TTC34: variants seen among roughly 807,000 people sequenced by gnomAD.
TTC34 encodes the protein tetratricopeptide repeat protein 34.
TTC34 carries 44 observed loss-of-function variants against 40.7 expected under a neutral mutation model. The ratio of observed to expected loss-of-function variants is 1.08; its 90% confidence interval spans 0.85 to 1.39. TTC34 has a LOEUF of 1.39. Ranked by LOEUF, TTC34 falls within the 40% of genes most tolerant of loss-of-function variation. The pLI, the probability that TTC34 is intolerant of heterozygous loss-of-function variation, is 0.00. For missense variants in TTC34, 884 were observed against 838.0 expected (o/e 1.05, Z -0.68); for synonymous variants, 422 against 398.6 (o/e 1.06, Z -0.70).
chr1:2,801,541 C>G (rs985552878), intron 1 of TTC34, 36 bp downstream of exon 1: 2 of 152,874 alleles, frequency 1.3e-5, no homozygotes, highest in African/African-American at 4.8e-5. Flanking sequence ...AGGCAGCCCC[C>G]AGCATCCGCT....
intron 6 of TTC34, among the ~76,000 whole-genome samples, chr1:2,769,762 G>A (rs1358314669): frequency 6.7e-6 from 1 of 148,830 alleles, no homozygotes; most frequent in Non-Finnish European, 1.5e-5. Context: ...CCCCAGGTGA[G>A]CATCTGACAG....
intron 6 of TTC34, among the ~76,000 whole-genome samples, chr1:2,756,599 A>C (rs1641513465): frequency 1.1e-3 from 154 of 144,886 alleles, no homozygotes; most frequent in Admixed American, 2.5e-3. Context: ...ACAGGTGAGC[A>C]TCTGACAGCC....
At chr1:2,655,404 G>C in intron 6 of TTC34, among the ~76,000 whole-genome samples, 1 of 117,074 alleles carries the variant, frequency 8.5e-6, no homozygotes, top group Non-Finnish European at 1.7e-5. Context: ...GCCTGGAACA[G>C]CACCGACACC....
At chr1:2,780,209 C>A (rs1303423547) in intron 6 of TTC34, among the ~76,000 whole-genome samples, 2 of 152,170 alleles carry the variant, frequency 1.3e-5, no homozygotes, top group African/African-American at 4.8e-5. Flanking sequence ...ATGTGACTTG[C>A]AAATATTGTG....
chr1:2,749,494 G>T (rs1161331193), intron 6 of TTC34, among the ~76,000 whole-genome samples: 1 of 74,566 alleles, frequency 1.3e-5, no homozygotes, highest in Admixed American at 1.5e-4. Flanking sequence ...CCCCAGGTGA[G>T]CATTGGACAG....
intron 3 of TTC34, among the ~76,000 whole-genome samples, chr1:2,787,953 C>T (rs569711038): frequency 3.9e-5 from 6 of 152,346 alleles, no homozygotes; most frequent in Admixed American, 6.5e-5. Flanking sequence ...CAGGCAGAGG[C>T]AGGGCTGACC....
intron 6 of TTC34, chr1:2,775,562 G>C (rs1455164307): frequency 1.3e-5 from 2 of 148,370 alleles, no homozygotes; most frequent in African/African-American, 5.3e-5. Flanking sequence ...ACCCCAAGGT[G>C]GGCATCCGAT....
chr1:2,682,077 G>T (rs1570801105), intron 6 of TTC34, among the ~76,000 whole-genome samples: 1 of 135,228 alleles, frequency 7.4e-6, no homozygotes, highest in African/African-American at 2.8e-5. Context: ...CCACAGGTGA[G>T]CATCTGACAG....
intron 6 of TTC34, among the ~76,000 whole-genome samples, chr1:2,699,257 G>A (rs867629314): frequency 6.7e-6 from 1 of 150,318 alleles, no homozygotes; most frequent in Non-Finnish European, 1.5e-5. Context: ...ATACCCCAAG[G>A]CGAGCATCTG....
chr1:2,753,069 C>T (rs1641378129), intron 6 of TTC34, among the ~76,000 whole-genome samples: 1 of 124,540 alleles, frequency 8.0e-6, no homozygotes, highest in Admixed American at 8.5e-5. Flanking sequence ...AGGTGAGCAT[C>T]TGACAGCCTG....
rs185230363 is a variant in TTC34 at position 2,645,690 on chromosome 1, C to T, written c.2227-127G>A. 4.5e-5 allele frequency: 44 copies of T among 980,282 alleles called. No individual in the cohort carries two copies. Among genetic ancestry groups the T allele is most frequent in the Admixed American group, 7.6e-5 (2 of 26,230 alleles). The allele number at this position is 980,282 out of a possible 1,614,324, so 60.7% of individuals were successfully genotyped here. A position where few individuals can be genotyped will look rare whatever the true frequency, so the allele number is the denominator to read the frequency against. On this transcript the variant is annotated intron_variant, in intron 6 of 8. Coordinates refer to ENST00000401095, the Ensembl canonical transcript of TTC34. The surrounding 1 kb of genome is among the most constrained non-coding windows in gnomAD (Gnocchi z 4.7). Reference sequence around the variant, plus strand: ...TCTTCTCCCTGGGGTCCTAGAGGGTCTGAACACCCAGCTTCCTGCCCCTTC... The same window carrying T: ...TCTTCTCCCTGGGGTCCTAGAGGGTTTGAACACCCAGCTTCCTGCCCCTTC...
At chr1:2,687,520 C>T (rs1640419943) in intron 6 of TTC34, among the ~76,000 whole-genome samples, 2 of 148,412 alleles carry the variant, frequency 1.3e-5, no homozygotes, top group Admixed American at 6.6e-5. Flanking sequence ...TGAGCAGCAC[C>T]CACACCCCCA....
intron 6 of TTC34, among the ~76,000 whole-genome samples, chr1:2,692,018 C>A (rs1196131234): frequency 2.4e-5 from 2 of 81,868 alleles, no homozygotes; most frequent in Non-Finnish European, 5.6e-5. Context: ...TGTATCAGCA[C>A]CCACACCCCC....
At chr1:2,747,954 C>G (rs1213860497) in intron 6 of TTC34, among the ~76,000 whole-genome samples, 1 of 64,098 alleles carries the variant, frequency 1.6e-5, no homozygotes, top group Non-Finnish European at 2.7e-5. Flanking sequence ...GAGCAGCACC[C>G]CACACCCATA....
At chr1:2,759,559 T>A (rs1172444507) in intron 6 of TTC34, among the ~76,000 whole-genome samples, 2,056 of 14,596 alleles carry the variant, frequency 0.14, no homozygotes, top group East Asian at 0.22. Context: ...GCACCCACAC[T>A]CCCAGACGAG....
intron 6 of TTC34, among the ~76,000 whole-genome samples, chr1:2,656,371 CACACCCACAGG>C (rs1557589965): frequency 2.8e-4 from 16 of 57,916 alleles, no homozygotes; most frequent in East Asian, 5.0e-4. Flanking sequence ...GAACAGCACC[CACACCCACAGG>C]TGAGCATCTG....
chr1:2,643,823 C>T (rs1166998152), intron 8 of TTC34, among the ~76,000 whole-genome samples: 1 of 152,228 alleles, frequency 6.6e-6, no homozygotes, highest in Non-Finnish European at 1.5e-5. Context: ...TGAAATCCTG[C>T]CCAGGCCCCA....
chr1:2,638,746 A>G (rs4076496), exon 9 of TTC34: 3,558 of 152,418 alleles, frequency 0.023, 149 homozygotes, highest in African/African-American at 0.081. Context: ...TTGGTCCTGG[A>G]GAAACTACCT....
At chr1:2,652,902 G>A (rs1246006660) in intron 6 of TTC34, among the ~76,000 whole-genome samples, 19 of 109,076 alleles carry the variant, frequency 1.7e-4, no homozygotes, top group African/African-American at 5.9e-4. Flanking sequence ...GGTGAGCATC[G>A]GAGAGTCTGG....
Sources: allele counts gnomAD v4.1 joint callset (sites outside exome capture counted in the v4.1 genomes callset), GRCh38; gene constraint gnomAD v4.1.1; non-coding constraint Gnocchi (gnomAD v3.1); transcripts MANE v1.5; gene names NCBI Gene and HGNC (gene_info 2026-07-23, HGNC 2026-07-21).